PDE4D: variants seen among roughly 807,000 people sequenced by gnomAD.
The protein encoded by PDE4D is 3',5'-cyclic-AMP phosphodiesterase 4D.
In PDE4D, 24 loss-of-function variants were observed where a neutral mutation model predicts 87.4. The ratio of observed to expected loss-of-function variants is 0.27; its 90% CI spans 0.20 to 0.39. The LOEUF (loss-of-function observed/expected upper bound fraction) is 0.39. Among genes scored for constraint, PDE4D ranks in the 10% least tolerant of loss-of-function variants. The pLI, the probability that PDE4D is intolerant of heterozygous loss-of-function variation, is 1.00. For synonymous variants in PDE4D, 384 were observed against 383.2 expected (o/e 1.00, Z -0.02); for missense variants, 714 against 1,041.0 (o/e 0.69, Z 4.32).
chr5:60,129,077 T>C (rs946019124), intron 2 of PDE4D, among the ~76,000 whole-genome samples: 1 of 152,242 alleles, frequency 6.6e-6, no homozygotes, highest in Non-Finnish European at 1.5e-5. Context: ...ATTTAAATAG[T>C]AATTAAGCAA....
rs1446247757 is a variant in PDE4D, at chr5:60,185,416, G to C, written c.42+141C>G. On this transcript the variant is annotated intron_variant, in intron 2 of 16. Coordinates refer to the PDE4D transcript ENST00000502484. The stretch of plus-strand genomic sequence containing the variant: ...ACTAGTCTTTGTTTGTTAATAAGCT[G>C]TGTACAGTCAGAGAACTGAAAGTTG... 7.3e-6 allele frequency: 4 copies of C among 548,466 alleles called. No homozygotes were observed. In the African/African-American group the frequency reaches 7.5e-5, roughly 10 times the overall value. The allele number at this position is 548,466 out of a possible 1,614,324, so 34.0% of individuals were successfully genotyped here.
At chr5:60,465,227 C>T (rs951186854) in intron 1 of PDE4D, among the ~76,000 whole-genome samples, 2 of 152,118 alleles carry the variant, frequency 1.3e-5, no homozygotes, top group African/African-American at 4.8e-5. Flanking sequence ...TAGTCCTTGG[C>T]ATTATTTCAC....
chr5:60,119,513 G>T (rs1044211864), intron 2 of PDE4D, among the ~76,000 whole-genome samples: 3 of 152,172 alleles, frequency 2.0e-5, no homozygotes, highest in Non-Finnish European at 4.4e-5. Context: ...TTTGGAAAAT[G>T]GTTGTCCTCT....
chr5:59,527,833 G>C (rs79409526), intron 1 of PDE4D, among the ~76,000 whole-genome samples: 3 of 152,134 alleles, frequency 2.0e-5, no homozygotes, highest in African/African-American at 4.8e-5. Context: ...CCATGAGCTA[G>C]GAATATAACA....
intron 1 of PDE4D, among the ~76,000 whole-genome samples, chr5:59,649,094 C>T (rs1742945125): frequency 6.6e-6 from 1 of 152,146 alleles, no homozygotes; most frequent in East Asian, 1.9e-4. Flanking sequence ...CCACATAGGG[C>T]ACAACCTGAA....
rs1371252193 is a variant in PDE4D, at chr5:60,072,282, T to C, written c.43-83565A>G. ...TCTAATGATCAGTGATACTGAGTTT[T>C]TTTCATATGCTTGTTAGCTGCACGT... On this transcript the variant is annotated intron_variant, in intron 2 of 16. Transcript: ENST00000502484. 2.0e-5 allele frequency among the ~76,000 whole-genome samples: 3 copies of C among 152,208 alleles called. No individual in the cohort carries two copies. In the East Asian group the frequency reaches 5.8e-4, roughly 29 times the overall value.
Position 59,968,419 on chromosome 5 carries a change from G to A in PDE4D, c.272+20069C>T, listed in dbSNP as rs575699863. ...AAATATGGGAACAATAGACACCATGGACTACTAGAGGGTAGAGGGAGGGTG... is the reference window on the plus strand; with the variant it reads ...AAATATGGGAACAATAGACACCATGAACTACTAGAGGGTAGAGGGAGGGTG... On this transcript the variant is annotated intron_variant, in intron 3 of 16. Coordinates refer to the PDE4D transcript ENST00000502484. 2.6e-5 allele frequency among the ~76,000 whole-genome samples: 4 copies of A among 152,170 alleles called. No individual in the cohort carries two copies. In the East Asian group the frequency reaches 7.7e-4, roughly 29 times the overall value.
rs976729863 is a variant in PDE4D at position 59,405,606 on chromosome 5, T to C, written c.456-189638A>G. Among the ~76,000 whole-genome samples, 10 of 152,196 alleles carry C rather than the reference T, an allele frequency of 6.6e-5. 1 individual carries two copies. The East Asian group carries it at 1.7e-3, about 26-fold the overall frequency. On this transcript the variant is annotated intron_variant, in intron 1 of 14. Transcript: ENST00000340635. The stretch of plus-strand genomic sequence containing the variant: ...GCTCAAGGGGTAATGGACATCCCTG[T>C]CATGTTACAGATCTTGGAGGAAAAA...
chr5:59,939,103 C>T (rs567237898), intron 3 of PDE4D, among the ~76,000 whole-genome samples: 41 of 152,206 alleles, frequency 2.7e-4, no homozygotes, highest in Admixed American at 4.6e-4. Flanking sequence ...TGGTAGCCTC[C>T]GTCAGCCAAG....
In PDE4D at chr5:59,834,751, G is replaced by A. The variant is rs73758901; in HGVS notation, c.455+58417C>T. 6.8e-3 allele frequency among the ~76,000 whole-genome samples: 1,042 copies of A among 152,148 alleles called. 10 individuals carry two copies. The highest frequency in any genetic ancestry group is 0.024 in the African/African-American group (1,000 of 41,532). ...GTAAATACAATTTCATAGGCTAATA[G>A]TCACTAATAGCTTGTAATTAATGAA... On this transcript the variant is annotated intron_variant, in intron 1 of 14. Coordinates refer to ENST00000340635, the MANE Select transcript of PDE4D (RefSeq NM_001104631.2).
intron 5 of PDE4D, among the ~76,000 whole-genome samples, chr5:59,154,549 G>T (rs1779892226): frequency 6.6e-6 from 1 of 152,124 alleles, no homozygotes; most frequent in Admixed American, 6.6e-5. Context: ...GGTTAGAGAA[G>T]AGAGCATGGA....
At chr5:60,014,091 T>TAAAAA (rs36035984) in intron 2 of PDE4D, among the ~76,000 whole-genome samples, 5 of 96,458 alleles carry the variant, frequency 5.2e-5, no homozygotes, top group African/African-American at 2.0e-4. Context: ...GACTCCACCT[T>TAAAAA]AAAAAAAAAA....
chr5:59,224,651 A>T (rs1449763218), intron 1 of PDE4D, among the ~76,000 whole-genome samples: 1 of 152,192 alleles, frequency 6.6e-6, no homozygotes. Context: ...ACCAATGGTT[A>T]CATGAGGTTG....
At chr5:59,530,101 T>C (rs1171738177) in intron 1 of PDE4D, among the ~76,000 whole-genome samples, 1 of 152,232 alleles carries the variant, frequency 6.6e-6, no homozygotes, top group East Asian at 1.9e-4. Context: ...GGATCACATT[T>C]TGAGTAGCAA....
chr5:59,841,535 C>T (rs1184569358), intron 1 of PDE4D, among the ~76,000 whole-genome samples: 2 of 152,020 alleles, frequency 1.3e-5, no homozygotes, highest in African/African-American at 4.8e-5. Context: ...TATTAAATGC[C>T]TACTGTGTTC....
chr5:60,143,824 T>C (rs967453132), intron 2 of PDE4D, among the ~76,000 whole-genome samples: 3 of 152,098 alleles, frequency 2.0e-5, no homozygotes, highest in Admixed American at 2.0e-4. Context: ...ATTAGACACA[T>C]AAGATCCCAA....
At chr5:60,415,464 G>A (rs1303616491) in intron 1 of PDE4D, among the ~76,000 whole-genome samples, 2 of 152,216 alleles carry the variant, frequency 1.3e-5, no homozygotes, top group African/African-American at 2.4e-5. Flanking sequence ...AGGGAGAGGT[G>A]CAGGCGGGAA....
At chr5:59,393,180 C>T (rs1562094925) in intron 1 of PDE4D, among the ~76,000 whole-genome samples, 2 of 152,024 alleles carry the variant, frequency 1.3e-5, no homozygotes, top group Non-Finnish European at 2.9e-5. Flanking sequence ...AAGAAATATA[C>T]TGATTTGAGT....
At chr5:59,314,558 T>C (rs1773313982) in intron 1 of PDE4D, 1 of 152,154 alleles carries the variant, frequency 6.6e-6, no homozygotes, top group Admixed American at 6.5e-5. Flanking sequence ...ACAGACTAGC[T>C]CTAGATTACC....
Sources: gnomAD v4.1 joint callset for allele counts (sites outside exome capture counted in the v4.1 genomes callset) on GRCh38, gnomAD v4.1.1 for gene constraint, MANE v1.5 for transcripts, NCBI Gene and HGNC (gene_info 2026-07-23, HGNC 2026-07-21) for gene names.